The following TM7SF3 variants were observed in gnomAD, a reference collection of about 807,000 sequenced individuals.
TM7SF3 encodes transmembrane 7 superfamily member 3, also known as seven span transmembrane protein.
In TM7SF3, 60 loss-of-function variants were observed where a neutral mutation model predicts 65.5. The observed-to-expected ratio is 0.92, with a 90% CI of 0.74 to 1.14. The LOEUF (loss-of-function observed/expected upper bound fraction) is 1.14. Among genes scored for constraint, TM7SF3 ranks in the 50% most tolerant of loss-of-function variants. The pLI, the probability that TM7SF3 is intolerant of heterozygous loss-of-function variation, is 0.00. For missense variants in TM7SF3, 623 were observed against 684.8 expected (o/e 0.91, Z 1.01); for synonymous variants, 264 against 259.6 (o/e 1.02, Z -0.16).
Position 26,972,592 on chromosome 12 carries a change from T to G in TM7SF3, c.*1373A>C, listed in dbSNP as rs1257904221. 1 of 152,052 alleles carries G rather than the reference T, an allele frequency of 6.6e-6. No individual in the cohort carries two copies. Among genetic ancestry groups the G allele is most frequent in the Non-Finnish European group, 1.5e-5 (1 of 68,062 alleles). 9.4% of individuals were successfully genotyped at this position (152,052 alleles called of 1,614,324 possible). On this transcript the variant is annotated 3_prime_UTR_variant, in exon 12 of 12. Transcript: ENST00000343028. ...CACAATACCCAGCTAATTTTTGTAT[T>G]TTTAGTAGAGACAGGGTGTAGTAGT... is the stretch of plus-strand genomic sequence containing the variant.
intron 9 of TM7SF3, 188 bp downstream of exon 9, chr12:26,979,596 G>A (rs1251485543): frequency 1.2e-5 from 7 of 608,356 alleles, no homozygotes; most frequent in African/African-American, 3.7e-5. Flanking sequence ...TTCATCTACT[G>A]TGCCTTTGAG....
chr12:26,988,470 A>AT lies in TM7SF3; in HGVS notation c.868+1979_868+1980insA, dbSNP rs1377802464. Among the ~76,000 whole-genome samples, 30 of 152,126 alleles carry AT rather than the reference A, an allele frequency of 2.0e-4. No individual in the cohort carries two copies. The East Asian group carries it at 2.9e-3, about 15-fold the overall frequency. ...TGAGACACTGCACCCAGCCAAAAAT[A>AT]ATTTTTTTTTACTTATAAAGGACAC... On this transcript the variant is annotated intron_variant, in intron 6 of 11. Transcript: ENST00000343028.
chr12:26,981,961 T>C (rs1193311222), intron 7 of TM7SF3, among the ~76,000 whole-genome samples: 1 of 152,114 alleles, frequency 6.6e-6, no homozygotes, highest in Non-Finnish European at 1.5e-5. Context: ...TGCAGCCCCA[T>C]AGCCTGATTC....
intron 1 of TM7SF3, chr12:27,012,611 T>C (rs1941286812): frequency 2.2e-6 from 1 of 456,048 alleles, no homozygotes; most frequent in Non-Finnish European, 4.4e-6. Flanking sequence ...ACATTTTATA[T>C]TAACAAACCA....
chr12:27,001,196 T>C (rs1940817552), intron 2 of TM7SF3, among the ~76,000 whole-genome samples: 1 of 152,140 alleles, frequency 6.6e-6, no homozygotes. Flanking sequence ...TCCTGAGCCA[T>C]GTGCAGTTCT....
At chr12:26,999,711 AG>A (rs750254910) in intron 2 of TM7SF3, 35 bp from the exon 3 acceptor site, 6 of 1,610,812 alleles carry the variant, frequency 3.7e-6, no homozygotes, top group South Asian at 3.3e-5. Context: ...ATGAATAGGA[AG>A]TCGACCAAAA....
chr12:26,982,764 A>C lies in TM7SF3; in HGVS notation c.955+9T>G. 6.3e-7 allele frequency: 1 copy of C among 1,597,054 alleles called. No individual in the cohort carries two copies. The highest frequency in any genetic ancestry group is 8.5e-7 in the Non-Finnish European group (1 of 1,171,230). On this transcript the variant is annotated intron_variant, in intron 7 of 11. Transcript: ENST00000343028. ...AAAATGGAAATAGCAACTACATTGG[A>C]CATAATACCTGTTTTCCAGAATCTG...
At chr12:27,001,688 T>C (rs1287703516) in intron 2 of TM7SF3, among the ~76,000 whole-genome samples, 4 of 152,202 alleles carry the variant, frequency 2.6e-5, no homozygotes, top group Admixed American at 2.0e-4. Flanking sequence ...ACACTGTTTG[T>C]CAATTAAAAA....
Position 26,980,494 on chromosome 12 carries a change from G to C in TM7SF3, c.1036+72C>G. ...CACACACAATATAGGCCAAACTGTA[G>C]AAGGAAAGGTGAAGTAAAACACAGC... On this transcript the variant is annotated intron_variant, in intron 8 of 11. Transcript: ENST00000343028. The C allele has an allele frequency of 4.9e-6, 4 of 810,322 alleles. No individual in the cohort carries two copies. The South Asian group carries it at 5.9e-5, about 12-fold the overall frequency. The allele number at this position is 810,322 out of a possible 1,614,324, so 50.2% of individuals were successfully genotyped here.
chr12:26,994,160 T>C (rs924154692), intron 5 of TM7SF3, among the ~76,000 whole-genome samples: 3 of 152,236 alleles, frequency 2.0e-5, no homozygotes, highest in African/African-American at 4.8e-5. Context: ...TAAAATGTCA[T>C]ATCTAATAAA....
intron 3 of TM7SF3, among the ~76,000 whole-genome samples, chr12:26,997,836 T>C (rs993398338): frequency 6.7e-6 from 1 of 149,152 alleles, no homozygotes; most frequent in African/African-American, 2.5e-5. Context: ...TTTTTTTTTT[T>C]TTTTTTTGAG....
At position 26,975,602 on chromosome 12, in the gene TM7SF3, G is replaced by A; in HGVS notation, c.1344C>T (p.Asp448=). Residue 448 remains aspartate (D), a synonymous_variant, in exon 11 of 12, where the codon GAC becomes GAT. Transcript: ENST00000343028. ...IGSYSVVLAI[D]SYWSTSLSYI... is the part of the protein sequence containing the mutation. ...AGGAAAGGCTTGTGGACCAGTAACT[G>A]TCAATGGCTAAAACCACCGAATAGG... The A allele has an allele frequency of 1.2e-6, 2 of 1,614,106 alleles. No homozygotes were observed. The highest frequency in any genetic ancestry group is 1.3e-5 in the African/African-American group (1 of 75,046).
chr12:27,009,285 C>A (rs59307260), intron 1 of TM7SF3, among the ~76,000 whole-genome samples: 22,376 of 152,024 alleles, frequency 0.15, 1,881 homozygotes, highest in East Asian at 0.37. Flanking sequence ...CACACACACA[C>A]AAAAAAACCT....
At chr12:27,005,306 G>C (rs183074269) in intron 1 of TM7SF3, among the ~76,000 whole-genome samples, 1 of 151,976 alleles carries the variant, frequency 6.6e-6, no homozygotes, top group South Asian at 2.1e-4. Flanking sequence ...TACATCTTCA[G>C]TTTTTCCTTT....
At chr12:26,993,231 C>T (rs1940452953) in intron 5 of TM7SF3, among the ~76,000 whole-genome samples, 1 of 152,016 alleles carries the variant, frequency 6.6e-6, no homozygotes, top group Admixed American at 6.6e-5. Flanking sequence ...AGCTTTTCTC[C>T]TTCTTACCCA....
intron 1 of TM7SF3, among the ~76,000 whole-genome samples, chr12:27,010,916 C>T (rs1941220670): frequency 6.6e-6 from 1 of 152,202 alleles, no homozygotes; most frequent in Admixed American, 6.5e-5. Context: ...AATCTGGCAA[C>T]CATAAAAATT....
At chr12:26,988,063 A>T (rs1332142016) in intron 6 of TM7SF3, among the ~76,000 whole-genome samples, 3 of 138,738 alleles carry the variant, frequency 2.2e-5, no homozygotes, top group Non-Finnish European at 3.1e-5. Context: ...GATTAAAATT[A>T]AAAAAAAAAA....
At chr12:26,984,140 T>G (rs1043580198) in intron 6 of TM7SF3, among the ~76,000 whole-genome samples, 2 of 152,096 alleles carry the variant, frequency 1.3e-5, no homozygotes, top group Non-Finnish European at 1.5e-5. Context: ...TAAGAAAGAT[T>G]AAACAACAGC....
intron 6 of TM7SF3, among the ~76,000 whole-genome samples, chr12:26,986,074 C>T (rs1374181934): frequency 3.3e-5 from 5 of 151,690 alleles, no homozygotes; most frequent in South Asian, 4.1e-4. Context: ...GTGATCCGCC[C>T]GCCTTGGCCT....
Sources: allele counts gnomAD v4.1 joint callset (sites outside exome capture counted in the v4.1 genomes callset), GRCh38; gene constraint gnomAD v4.1.1; transcripts MANE v1.5; gene names NCBI Gene and HGNC (gene_info 2026-07-23, HGNC 2026-07-21).